Variants in WAPL observed in about 807,000 individuals in gnomAD.
WAPL encodes WAPL cohesin release factor, also known as wings apart-like protein homolog.
A neutral mutation model predicts 121.0 loss-of-function variants in WAPL; 5 were observed. That is an observed-to-expected ratio of 0.04 (90% confidence interval 0.02 to 0.09). The LOEUF is 0.09. WAPL is among the 10% of genes least tolerant of loss of function. The pLI is 1.00. For synonymous variants in WAPL, 480 were observed against 481.5 expected (o/e 1.00, Z 0.04); for missense variants, 999 against 1,410.8 (o/e 0.71, Z 4.68).
At chr10:86,466,294 G>T (rs777255508) in intron 9 of WAPL, among the ~76,000 whole-genome samples, 1 of 152,152 alleles carries the variant, frequency 6.6e-6, no homozygotes, top group South Asian at 2.1e-4. Context: ...CAGTTATGGC[G>T]GGGGTGGTGG....
chr10:86,454,909 G>A (rs1257534237), intron 12 of WAPL, among the ~76,000 whole-genome samples: 2 of 149,472 alleles, frequency 1.3e-5, no homozygotes, highest in African/African-American at 2.5e-5. Context: ...GAGGTGAGGA[G>A]CGTCTCTGCC....
intron 12 of WAPL, among the ~76,000 whole-genome samples, chr10:86,457,509 CAA>C: frequency 6.6e-6 from 1 of 151,780 alleles, no homozygotes; most frequent in Non-Finnish European, 1.5e-5. Context: ...AAAAATTAGC[CAA>C]GTGTGGTGGC....
At chr10:86,438,213 G>C (rs1029838827) in intron 17 of WAPL, among the ~76,000 whole-genome samples, 198 bp from the exon 18 acceptor site, 6 of 150,620 alleles carry the variant, frequency 4.0e-5, no homozygotes, top group African/African-American at 1.5e-4. Context: ...GAAAGGTAAA[G>C]TTGGCAAAAG....
intron 8 of WAPL, among the ~76,000 whole-genome samples, chr10:86,468,410 C>T (rs1841452495): frequency 6.6e-6 from 1 of 151,716 alleles, no homozygotes; most frequent in African/African-American, 2.4e-5. Context: ...GTTGCCGAGG[C>T]TGGTCCTGAA....
chr10:86,467,173 A>G, intron 9 of WAPL, 106 bp downstream of exon 9: 1 of 1,039,680 alleles, frequency 9.6e-7, no homozygotes, highest in Non-Finnish European at 1.4e-6. Flanking sequence ...ACTGTAAACC[A>G]AGGTTAGAAT....
Position 86,472,080 on chromosome 10 carries a change from A to AT in WAPL, c.2030+127dup. ...ATAAAGAAATGGATAGCATTTTAAC[A>AT]TATCACTGGCTATACATACTACCCC... On this transcript the variant is annotated intron_variant, in intron 7 of 18. Coordinates refer to ENST00000298767, the MANE Select transcript of WAPL (RefSeq NM_015045.5). This position sits in a 1 kb window ranked among gnomAD's most constrained non-coding sequence, Gnocchi z 4.2. The AT allele has an allele frequency of 1.3e-6, 1 of 762,556 alleles. No homozygotes were observed. Among genetic ancestry groups the AT allele is most frequent in the Non-Finnish European group, 1.9e-6 (1 of 519,340 alleles). The allele number at this position is 762,556 out of a possible 1,614,324, so 47.2% of individuals were successfully genotyped here.
intron 16 of WAPL, 121 bp from the exon 17 acceptor site, chr10:86,443,484 A>T: frequency 1.5e-6 from 1 of 650,696 alleles, no homozygotes; most frequent in Non-Finnish European, 2.5e-6. Context: ...TGATGCTAGG[A>T]CAACTGGATA....
In WAPL at chr10:86,521,664, G is replaced by C. The variant is rs756421602; in HGVS notation, c.-322C>G. ...TGTGTGCCCCCGCTGGGCCGCCGCCGCCTCCTGCGCCGCCGCTTCCGCCGG... is the reference window on the plus strand; with the variant it reads ...TGTGTGCCCCCGCTGGGCCGCCGCCCCCTCCTGCGCCGCCGCTTCCGCCGG... On this transcript the variant is annotated 5_prime_UTR_variant, in exon 1 of 19. Coordinates refer to ENST00000298767, the MANE Select transcript of WAPL (RefSeq NM_015045.5). The C allele has an allele frequency of 6.5e-6, 3 of 462,542 alleles. No homozygotes were observed. Among genetic ancestry groups the C allele is most frequent in the South Asian group, 4.7e-5 (3 of 63,436 alleles). 28.7% of individuals were successfully genotyped at this position (462,542 alleles called of 1,614,324 possible).
intron 12 of WAPL, among the ~76,000 whole-genome samples, chr10:86,456,064 TAG>T (rs1161989183): frequency 6.6e-6 from 1 of 152,208 alleles, no homozygotes; most frequent in Admixed American, 6.5e-5. Flanking sequence ...ATCAATAATG[TAG>T]AGTCTGATGG....
In WAPL at chr10:86,459,160, A is replaced by G. The variant is rs1174100855; in HGVS notation, c.2581-95T>C. 6 of 990,212 alleles carry G rather than the reference A, an allele frequency of 6.1e-6. No individual in the cohort carries two copies. In the African/African-American group the frequency reaches 6.5e-5, roughly 11 times the overall value. The allele number at this position is 990,212 out of a possible 1,614,324, so 61.3% of individuals were successfully genotyped here. On this transcript the variant is annotated intron_variant, in intron 11 of 18. Coordinates refer to ENST00000298767, the MANE Select transcript of WAPL (RefSeq NM_015045.5). ...TGCCTGGTGCGTAAAAGATACAAAG[A>G]TGAGGAAGAAACAGCCCTTGTTACC... is the stretch of plus-strand genomic sequence containing the variant.
intron 9 of WAPL, among the ~76,000 whole-genome samples, chr10:86,461,872 CTT>C (rs35441886): frequency 0.34 from 51,891 of 151,960 alleles, 9,565 homozygotes; most frequent in Non-Finnish European, 0.42. Flanking sequence ...GACTGATTGT[CTT>C]TTCTTATTAT....
intron 14 of WAPL, 63 bp downstream of exon 14, chr10:86,453,157 G>C: frequency 4.1e-6 from 6 of 1,467,300 alleles, no homozygotes; most frequent in Non-Finnish European, 3.8e-6. Context: ...CCAAACTAAG[G>C]TTAACATTTT....
intron 4 of WAPL, among the ~76,000 whole-genome samples, chr10:86,493,196 C>CTGAA (rs1418506552): frequency 9.2e-5 from 14 of 151,720 alleles, no homozygotes; most frequent in African/African-American, 2.9e-4. Context: ...ATGGGGAAAA[C>CTGAA]TGAATACAGT....
chr10:86,471,149 C>CTG, intron 7 of WAPL, 46 bp from the exon 8 acceptor site: 1 of 1,538,360 alleles, frequency 6.5e-7, no homozygotes, highest in Non-Finnish European at 9.0e-7. Flanking sequence ...ACAGCTAGTA[C>CTG]ATTAGTTTTG....
intron 4 of WAPL, among the ~76,000 whole-genome samples, chr10:86,495,462 CAAA>C (rs888514373): frequency 7.0e-6 from 1 of 142,136 alleles, no homozygotes; most frequent in Non-Finnish European, 1.5e-5. Context: ...GAGACCATCT[CAAA>C]AAAAAAAGAG....
chr10:86,451,664 A>AT (rs1467255378), intron 15 of WAPL, among the ~76,000 whole-genome samples: 3 of 152,210 alleles, frequency 2.0e-5, no homozygotes, highest in Admixed American at 6.5e-5. Flanking sequence ...AAGTGCTGGG[A>AT]TTATAGGCGT....
chr10:86,477,335 C>T (rs778458180), intron 4 of WAPL, among the ~76,000 whole-genome samples: 4 of 152,148 alleles, frequency 2.6e-5, no homozygotes, highest in Non-Finnish European at 5.9e-5. Context: ...TAATTTCACT[C>T]AGTGGAAGTG....
chr10:86,460,431 C>T lies in WAPL; in HGVS notation c.2548G>A (p.Gly850Arg). The change falls in exon 11 of 19, where the codon GGA (glycine) becomes AGA (arginine). Residue 850 changes from glycine (G) to arginine (R), a missense_variant. This residue lies in a region of WAPL where 118 missense variants were observed against 318.3 expected (regional missense o/e 0.37). Coordinates refer to ENST00000298767, the MANE Select transcript of WAPL (RefSeq NM_015045.5). ...DEEKLVASLW[G>R]AERCLRVLES... The stretch of plus-strand genomic sequence containing the variant: ...AAAACTCGTAAACATCTCTCTGCTC[C>T]CCATAGTGAGGCTACCAGTTTCTCT... The T allele has an allele frequency of 6.2e-7, 1 of 1,613,790 alleles. No homozygotes were observed. Among genetic ancestry groups the T allele is most frequent in the South Asian group, 1.1e-5 (1 of 91,030 alleles).
At chr10:86,506,505 T>C (rs945722148) in intron 2 of WAPL, among the ~76,000 whole-genome samples, 1 of 152,210 alleles carries the variant, frequency 6.6e-6, no homozygotes, top group Non-Finnish European at 1.5e-5. Flanking sequence ...CCACGTGTGG[T>C]GGCTCACGCC....
Sources: gnomAD v4.1 joint callset for allele counts (sites outside exome capture counted in the v4.1 genomes callset) on GRCh38, gnomAD v4.1.1 for gene constraint, gnomAD v4.1.1 regional missense constraint, Gnocchi (gnomAD v3.1) non-coding constraint, MANE v1.5 for transcripts, NCBI Gene and HGNC (gene_info 2026-07-23, HGNC 2026-07-21) for gene names.